The following HPSE2 variants were observed in gnomAD, a reference collection of about 807,000 sequenced individuals.
HPSE2 encodes heparanase 2 (inactive).
A neutral mutation model predicts 60.5 loss-of-function variants in HPSE2; 38 were observed. The observed-to-expected ratio is 0.63, with a 90% CI of 0.48 to 0.82. The LOEUF (loss-of-function observed/expected upper bound fraction) is 0.82, where lower values mean the gene tolerates loss of function less well. HPSE2 is among the 40% of genes least tolerant of loss of function. The pLI, the probability that HPSE2 is intolerant of heterozygous loss-of-function variation, is 0.00. For missense variants in HPSE2, 713 were observed against 740.4 expected, an observed-to-expected ratio of 0.96 and a Z score of 0.43; for synonymous variants, 295 against 293.2, an observed-to-expected ratio of 1.01 and a Z score of -0.06.
chr10:99,145,168 A>G (rs1224771650), intron 2 of HPSE2, among the ~76,000 whole-genome samples: 1 of 152,162 alleles, frequency 6.6e-6, no homozygotes, highest in Non-Finnish European at 1.5e-5. Context: ...TTCATACAGA[A>G]TGCTTCAGCC....
chr10:98,686,659 C>T (rs967106291), intron 6 of HPSE2, among the ~76,000 whole-genome samples: 1 of 152,158 alleles, frequency 6.6e-6, no homozygotes, highest in Non-Finnish European at 1.5e-5. Flanking sequence ...CCCATTGCAG[C>T]CTCCCAAGTA....
chr10:98,618,831 C>T (rs1436235761), intron 8 of HPSE2, among the ~76,000 whole-genome samples: 1 of 152,170 alleles, frequency 6.6e-6, no homozygotes, highest in Non-Finnish European at 1.5e-5. Context: ...TCCACTTTGG[C>T]CTCCCAAAGT....
At chr10:98,854,100 C>A (rs1015939560) in intron 3 of HPSE2, among the ~76,000 whole-genome samples, 1 of 152,122 alleles carries the variant, frequency 6.6e-6, no homozygotes, top group African/African-American at 2.4e-5. Flanking sequence ...AGAAGATCTA[C>A]AGTTAAGAAT....
intron 3 of HPSE2, among the ~76,000 whole-genome samples, chr10:98,849,064 C>T (rs934004730): frequency 2.0e-5 from 3 of 151,804 alleles, no homozygotes; most frequent in Admixed American, 6.6e-5. Context: ...AGCAATTGTT[C>T]ACATAGGGCA....
chr10:98,739,397 C>A (rs1354097167), intron 4 of HPSE2, among the ~76,000 whole-genome samples: 1 of 148,386 alleles, frequency 6.7e-6, no homozygotes, highest in Non-Finnish European at 1.5e-5. Flanking sequence ...GTACAGCAAA[C>A]CACCATGGCA....
intron 3 of HPSE2, among the ~76,000 whole-genome samples, chr10:98,809,156 T>C (rs1951108419): frequency 6.6e-6 from 1 of 152,122 alleles, no homozygotes; most frequent in Admixed American, 6.6e-5. Flanking sequence ...CATTTGCAAA[T>C]ATATTCACTA....
At chr10:98,529,587 T>C (rs1182105875) in intron 9 of HPSE2, among the ~76,000 whole-genome samples, 1 of 152,202 alleles carries the variant, frequency 6.6e-6, no homozygotes, top group East Asian at 1.9e-4. Context: ...AGTTTCTTTA[T>C]CAAGCTTGCC....
At chr10:99,012,435 T>C (rs981431534) in intron 3 of HPSE2, among the ~76,000 whole-genome samples, 1 of 152,102 alleles carries the variant, frequency 6.6e-6, no homozygotes, top group African/African-American at 2.4e-5. Flanking sequence ...CTTTTCCTTT[T>C]TTTTTTTAAC....
chr10:98,470,995 C>T (rs980529627), intron 11 of HPSE2, among the ~76,000 whole-genome samples: 7 of 152,118 alleles, frequency 4.6e-5, no homozygotes, highest in Admixed American at 4.6e-4. Flanking sequence ...TTTCATAATC[C>T]TCTAATCGGC....
the HPSE2 span, among the ~76,000 whole-genome samples, chr10:99,310,503 G>C: frequency 6.6e-6 from 1 of 152,194 alleles, no homozygotes; most frequent in Admixed American, 6.5e-5. Context: ...AGTTAGAAAG[G>C]ATATACAGTG....
At chr10:98,695,999 C>T (rs563416747) in intron 5 of HPSE2, among the ~76,000 whole-genome samples, 74 of 152,160 alleles carry the variant, frequency 4.9e-4, no homozygotes, top group African/African-American at 1.6e-3. Context: ...ATTATCCCTG[C>T]CATCTATGCC....
intron 3 of HPSE2, among the ~76,000 whole-genome samples, chr10:99,035,188 A>G (rs1000384473): frequency 1.3e-5 from 2 of 152,268 alleles, no homozygotes; most frequent in African/African-American, 4.8e-5. Flanking sequence ...ACGCTTTTGT[A>G]ATAGCACTTA....
intron 2 of HPSE2, among the ~76,000 whole-genome samples, chr10:99,176,436 G>C (rs1206628298): frequency 1.3e-5 from 2 of 152,126 alleles, no homozygotes; most frequent in African/African-American, 4.8e-5. Context: ...AAATGACCTG[G>C]TGGAGCTGAA....
intron 2 of HPSE2, among the ~76,000 whole-genome samples, chr10:99,178,055 A>C (rs1035806592): frequency 5.9e-5 from 9 of 152,010 alleles, no homozygotes; most frequent in Admixed American, 6.6e-5. Context: ...AGATATAAAT[A>C]AGTTCTTTGA....
rs72836740 is a variant in HPSE2, at chr10:98,845,054, A to G, written c.611-100998T>C. On this transcript the variant is annotated intron_variant, in intron 3 of 11. Coordinates refer to ENST00000370552, the MANE Select transcript of HPSE2 (RefSeq NM_021828.5). ...GCCAAATGTGACACAAATAAAATGA[A>G]GGCAACTCCTAAAGTTGTAACTTGG... 6.8e-3 allele frequency among the ~76,000 whole-genome samples: 1,029 copies of G among 152,392 alleles called. 8 individuals are homozygous for G. The highest frequency in any genetic ancestry group is 0.028 in the South Asian group (134 of 4,832).
intron 2 of HPSE2, among the ~76,000 whole-genome samples, chr10:99,190,233 T>C (rs1049812577): frequency 3.3e-5 from 5 of 152,232 alleles, no homozygotes; most frequent in South Asian, 2.1e-4. Flanking sequence ...TTTTAACTAA[T>C]AGTTCAAATT....
rs1417683807 is a variant in HPSE2 at position 98,982,205 on chromosome 10, C to T, written c.610+162033G>A. On this transcript the variant is annotated intron_variant, in intron 3 of 11. Transcript: ENST00000370552. ...CTCCCACTGATCTGAACAGTGTCAT[C>T]GAAAGCTCTCTTTCAACTGCTATGG... Among the ~76,000 whole-genome samples, 13 of 152,246 alleles carry T rather than the reference C, an allele frequency of 8.5e-5. No individual in the cohort carries two copies. The East Asian group carries it at 1.3e-3, about 16-fold the overall frequency.
chr10:98,534,174 A>G (rs532935160), intron 9 of HPSE2, among the ~76,000 whole-genome samples: 1 of 152,338 alleles, frequency 6.6e-6, no homozygotes, highest in East Asian at 1.9e-4. Context: ...GACAACTACT[A>G]TCTGTTTTAT....
intron 3 of HPSE2, among the ~76,000 whole-genome samples, chr10:98,984,493 C>G (rs1015942295): frequency 6.6e-6 from 1 of 152,134 alleles, no homozygotes; most frequent in Non-Finnish European, 1.5e-5. Context: ...CCCATCTGTA[C>G]GTCACCATCA....
Sources: gnomAD v4.1 joint callset for allele counts (sites outside exome capture counted in the v4.1 genomes callset) on GRCh38, gnomAD v4.1.1 for gene constraint, MANE v1.5 for transcripts, NCBI Gene and HGNC (gene_info 2026-07-23, HGNC 2026-07-21) for gene names.